The following TBC1D2 variants were observed in gnomAD, a reference collection of about 807,000 sequenced individuals.
TBC1D2 encodes the protein TBC1 domain family member 2.
A neutral mutation model predicts 91.1 loss-of-function variants in TBC1D2; 58 were observed. That is an observed-to-expected ratio of 0.64 (90% CI 0.52 to 0.79). The LOEUF (loss-of-function observed/expected upper bound fraction) is 0.79, where lower values mean the gene tolerates loss of function less well. Ranked by LOEUF, TBC1D2 falls within the 30% of genes least tolerant of loss-of-function variation. The pLI is 0.00. For missense variants in TBC1D2, 1,080 were observed against 1,208.3 expected (o/e 0.89, Z 1.57); for synonymous variants, 482 against 511.5 (o/e 0.94, Z 0.78).
intron 9 of TBC1D2, among the ~76,000 whole-genome samples, chr9:98,206,301 T>C (rs925746851): frequency 6.6e-6 from 1 of 152,196 alleles, no homozygotes; most frequent in Non-Finnish European, 1.5e-5. Context: ...TTTACATGAA[T>C]ACCAATTATC....
chr9:98,220,692 T>A (rs967137755), intron 6 of TBC1D2, 141 bp downstream of exon 6: 58 of 1,058,600 alleles, frequency 5.5e-5, no homozygotes, highest in Non-Finnish European at 4.6e-5. Flanking sequence ...CCCATCAACA[T>A]GTGTTTCTAA....
At chr9:98,214,537 G>A (rs150278555) in intron 6 of TBC1D2, among the ~76,000 whole-genome samples, 2,842 of 80,446 alleles carry the variant, frequency 0.035, 78 homozygotes, top group South Asian at 0.044. Flanking sequence ...GGATGACTCC[G>A]ACGTGGCCAG....
At chr9:98,214,756 A>G (rs1828929141) in intron 6 of TBC1D2, among the ~76,000 whole-genome samples, 1 of 152,192 alleles carries the variant, frequency 6.6e-6, no homozygotes. Flanking sequence ...AGGTCTCCCC[A>G]GGCTGGAAGC....
intron 6 of TBC1D2, among the ~76,000 whole-genome samples, chr9:98,219,322 T>G (rs1459281356): frequency 2.0e-5 from 3 of 152,180 alleles, no homozygotes; most frequent in African/African-American, 7.2e-5. Flanking sequence ...GTGGCCACTG[T>G]TCAACACTGC....
chr9:98,208,874 AG>A lies in TBC1D2; in HGVS notation c.1943del (p.Thr648IlefsTer9), dbSNP rs1381027238. On this transcript the variant is annotated frameshift_variant, in exon 9 of 13. Transcript: ENST00000465784. LOFTEE classifies it high-confidence loss of function. ...LVHLRVQHLH[T>X]PGCYQELLSR... ...TCAGCAGTTCCTGGTAGCAGCCTGG[AG>A]TGTGCAGGTGCTGGACACGGAGGTG... 6.2e-7 allele frequency: 1 copy of A among 1,613,866 alleles called. No individual in the cohort carries two copies. Among genetic ancestry groups the A allele is most frequent in the African/African-American group, 1.3e-5 (1 of 74,860 alleles).
Position 98,221,206 on chromosome 9 carries a change from T to G in TBC1D2, c.1001A>C (p.Lys334Thr). ...CTCCTGCTGGGCGGCCTCCAGTGCC[T>G]TGTGCAGGATCTTCACTAGCTCCTG... ...SQKELVKILH[K>T]ALEAAQQEKR... is the part of the protein sequence containing the mutation. Residue 334 changes from lysine to threonine, a missense_variant, in exon 6 of 13, where the codon AAG (lysine) becomes ACG (threonine). Lys to Thr is a moderately conservative substitution (Grantham distance 78). Transcript: ENST00000465784. 6.5e-7 allele frequency: 1 copy of G among 1,548,590 alleles called. No individual in the cohort carries two copies. The highest frequency in any genetic ancestry group is 1.2e-5 in the South Asian group (1 of 83,926).
intron 2 of TBC1D2, among the ~76,000 whole-genome samples, chr9:98,251,285 C>G (rs1829869182): frequency 6.7e-6 from 1 of 149,802 alleles, no homozygotes; most frequent in Non-Finnish European, 1.5e-5. Context: ...AGTGAGACTC[C>G]ATCTCAAAAA....
At chr9:98,252,542 C>G (rs16914245) in intron 1 of TBC1D2, among the ~76,000 whole-genome samples, 5 of 152,152 alleles carry the variant, frequency 3.3e-5, no homozygotes, top group African/African-American at 1.2e-4. Flanking sequence ...CACTGGCTGG[C>G]GGTTGGTCCA....
Position 98,255,224 on chromosome 9 carries a change from A to G in TBC1D2, c.318T>C (p.Ala106=), listed in dbSNP as rs1385225532. Residue 106 remains alanine (A), a synonymous_variant, in exon 1 of 13, where the codon GCT becomes GCC. Transcript: ENST00000465784. ...TCTTGATTTCGAAGATCCCCTCCTC[A>G]GCGTCCGCCTTACAGTCAAACACTG... The part of the protein sequence containing the change: ...SSAVFDCKAD[A]EEGIFEIKTP... 6.2e-7 allele frequency: 1 copy of G among 1,613,250 alleles called. No individual in the cohort carries two copies. Among genetic ancestry groups the G allele is most frequent in the Non-Finnish European group, 8.5e-7 (1 of 1,179,424 alleles).
In TBC1D2 at chr9:98,209,756, T is replaced by C. The variant is rs7469966; in HGVS notation, c.1674-612A>G. On this transcript the variant is annotated intron_variant, in intron 8 of 12. Transcript: ENST00000465784. ...TTCCTTCTTTCCTTTCCTTCCTTCC[T>C]TTCCTTCCTTCCTTCCTTCCTTCCT... Among the ~76,000 whole-genome samples the C allele has an allele frequency of 5.7e-5, 6 of 105,580 alleles. No individual in the cohort carries two copies. In the East Asian group the frequency reaches 7.0e-4, roughly 12 times the overall value. 69.3% of individuals were successfully genotyped at this position (105,580 alleles called of 152,430 possible).
rs772036372 is a variant in TBC1D2, at chr9:98,209,029, C to A, written c.1789G>T (p.Ala597Ser). 6.2e-7 allele frequency: 1 copy of A among 1,614,174 alleles called. No homozygotes were observed. The highest frequency in any genetic ancestry group is 8.5e-7 in the Non-Finnish European group (1 of 1,180,036). The part of the protein sequence containing the change: ...SRSHHLLGLE[A>S]VDRPLRERWA... ...CGCTCCCTCAGCGGCCGATCCACAG[C>A]CTCGAGGCCCAGCAGGTGGTGGGAT... Residue 597 changes from alanine to serine, a missense_variant, in exon 9 of 13, where the codon GCT becomes TCT. Transcript: ENST00000465784.
chr9:98,227,332 C>T (rs1209678100), intron 5 of TBC1D2, among the ~76,000 whole-genome samples: 1 of 152,190 alleles, frequency 6.6e-6, no homozygotes, highest in African/African-American at 2.4e-5. Context: ...TTTCCCAGCA[C>T]CTGGAACACT....
chr9:98,215,981 A>G (rs1379177463), intron 6 of TBC1D2, among the ~76,000 whole-genome samples: 1 of 152,170 alleles, frequency 6.6e-6, no homozygotes, highest in Non-Finnish European at 1.5e-5. Context: ...CCTACCCATC[A>G]GACAGTATAA....
chr9:98,202,326 G>C (rs1445441139), intron 10 of TBC1D2, among the ~76,000 whole-genome samples: 2 of 152,180 alleles, frequency 1.3e-5, no homozygotes, highest in Non-Finnish European at 2.9e-5. Context: ...CCAAGACATG[G>C]TTCTTTCGTG....
At chr9:98,226,732 C>T (rs1046372304) in intron 5 of TBC1D2, among the ~76,000 whole-genome samples, 11 of 152,160 alleles carry the variant, frequency 7.2e-5, no homozygotes, top group African/African-American at 2.4e-4. Flanking sequence ...GACACAAAGT[C>T]GAGGTTTGGT....
intron 5 of TBC1D2, among the ~76,000 whole-genome samples, chr9:98,222,067 C>A (rs1829114511): frequency 2.6e-5 from 4 of 152,208 alleles, no homozygotes; most frequent in Admixed American, 2.6e-4. Flanking sequence ...CATACCCTGA[C>A]ATATACACAT....
At chr9:98,231,279 C>CTTTTTTTT (rs35195996) in intron 4 of TBC1D2, among the ~76,000 whole-genome samples, 36 of 76,704 alleles carry the variant, frequency 4.7e-4, no homozygotes, top group East Asian at 8.8e-4. Flanking sequence ...CTCAACTCTG[C>CTTTTTTTT]TTTTTTTTTT....
intron 2 of TBC1D2, among the ~76,000 whole-genome samples, chr9:98,250,048 C>G (rs2131296429): frequency 6.6e-6 from 1 of 152,286 alleles, no homozygotes; most frequent in African/African-American, 2.4e-5. Flanking sequence ...TGGAACAGGT[C>G]TCCCTTGAAG....
intron 9 of TBC1D2, 24 bp downstream of exon 9, chr9:98,208,644 C>T (rs1475012062): frequency 2.6e-6 from 4 of 1,512,562 alleles, no homozygotes; most frequent in Middle Eastern, 1.8e-4. Flanking sequence ...AAGATCACAC[C>T]TTCACTGGGC....
Sources: gnomAD v4.1 joint callset for allele counts (sites outside exome capture counted in the v4.1 genomes callset) on GRCh38, gnomAD v4.1.1 for gene constraint, MANE v1.5 for transcripts, NCBI Gene and HGNC (gene_info 2026-07-23, HGNC 2026-07-21) for gene names.